Variants in AMPD3 observed in about 807,000 individuals in gnomAD.
AMPD3 encodes the protein adenosine monophosphate deaminase 3.
In AMPD3, 57 loss-of-function variants were observed where a neutral mutation model predicts 82.3. The observed-to-expected ratio is 0.69, with a 90% CI of 0.56 to 0.86. The LOEUF (loss-of-function observed/expected upper bound fraction) is 0.86, where lower values mean the gene tolerates loss of function less well. Among genes scored for constraint, AMPD3 ranks in the 40% least tolerant of loss-of-function variants. The pLI, the probability that AMPD3 is intolerant of heterozygous loss-of-function variation, is 0.00. For synonymous variants in AMPD3, 381 were observed against 394.7 expected (o/e 0.97, Z 0.41); for missense variants, 870 against 1,003.8 (o/e 0.87, Z 1.80).
chr11:10,455,611 G>A (rs1201764725), intron 1 of AMPD3, among the ~76,000 whole-genome samples, 163 bp downstream of exon 1: 1 of 152,154 alleles, frequency 6.6e-6, no homozygotes, highest in Admixed American at 6.5e-5. Context: ...GTGGGATGGG[G>A]CTGTCAGCTT....
At chr11:10,505,451 T>C in intron 14 of AMPD3, 2 of 985,330 alleles carry the variant, frequency 2.0e-6, no homozygotes, top group Non-Finnish European at 2.4e-6. Flanking sequence ...AGACCTTATC[T>C]TTCCTCTCTG....
chr11:10,481,962 C>G (rs1848920202), intron 3 of AMPD3, 101 bp from the exon 4 acceptor site: 1 of 1,476,046 alleles, frequency 6.8e-7, no homozygotes, highest in Non-Finnish European at 9.5e-7. Context: ...ATCTAGGTTC[C>G]CAGATACCAG....
chr11:10,453,640 G>A (rs1460513857), upstream of AMPD3, among the ~76,000 whole-genome samples: 1 of 151,618 alleles, frequency 6.6e-6, no homozygotes, highest in African/African-American at 2.4e-5. Flanking sequence ...CTGGAGTGCA[G>A]TGCAGTGGTG....
Position 10,505,986 on chromosome 11 carries a change from G to T in AMPD3, c.*102G>T. ...AACTAGGACTTTCCTCTGTGAAGAG[G>T]ATGCCTCTGAAGAAATTTTAAACTG... is the stretch of plus-strand genomic sequence containing the variant. On this transcript the variant is annotated 3_prime_UTR_variant, in exon 15 of 15. Coordinates refer to ENST00000396553, the MANE Select transcript of AMPD3 (RefSeq NM_001025389.2). The T allele has an allele frequency of 1.4e-6, 2 of 1,396,428 alleles. No homozygotes were observed. Among genetic ancestry groups the T allele is most frequent in the Non-Finnish European group, 2.0e-6 (2 of 995,744 alleles). The allele number at this position is 1,396,428 out of a possible 1,614,324, so 86.5% of individuals were successfully genotyped here. A position where few individuals can be genotyped will look rare whatever the true frequency, so the allele number is the denominator to read the frequency against.
At chr11:10,454,214 G>A (rs4909930), upstream of AMPD3, among the ~76,000 whole-genome samples, 90,785 of 151,870 alleles carry the variant, frequency 0.6, 27,408 homozygotes, top group East Asian at 0.75. Context: ...CATGTTCTGG[G>A]GAGTCTTCCC....
chr11:10,504,458 G>T, intron 13 of AMPD3, 91 bp from the exon 14 acceptor site: 1 of 1,297,752 alleles, frequency 7.7e-7, no homozygotes, highest in Non-Finnish European at 1.1e-6. Flanking sequence ...AGTTAAACCC[G>T]CAGTGTCTGA....
Position 10,461,860 on chromosome 11 carries a change from G to C in AMPD3, c.221+120G>C, listed in dbSNP as rs899212838. The C allele has an allele frequency of 3.1e-6, 3 of 972,878 alleles. No homozygotes were observed. The African/African-American group carries it at 4.8e-5, about 16-fold the overall frequency. The allele number at this position is 972,878 out of a possible 1,614,324, so 60.3% of individuals were successfully genotyped here. A position where few individuals can be genotyped will look rare whatever the true frequency, so the allele number is the denominator to read the frequency against. On this transcript the variant is annotated intron_variant, in intron 2 of 14. Coordinates refer to ENST00000396553, the MANE Select transcript of AMPD3 (RefSeq NM_001025389.2). ...CTGGTATGTCCCTAGAGCTGTGTTG[G>C]TTCCTTAACCAAGACCACTTAACTC...
At chr11:10,450,841 C>A (rs1847941232), upstream of AMPD3, 1 of 1,197,274 alleles carries the variant, frequency 8.4e-7, no homozygotes, top group African/African-American at 1.6e-5. Context: ...TCCCGCGGGG[C>A]CCTCCTGGCC....
chr11:10,466,146 C>T (rs1848414720), intron 2 of AMPD3, among the ~76,000 whole-genome samples: 1 of 152,078 alleles, frequency 6.6e-6, no homozygotes. Context: ...CCTGTAATCC[C>T]AGTTACTTGG....
chr11:10,504,307 G>A (rs1849657523), intron 13 of AMPD3: 32 of 788,568 alleles, frequency 4.1e-5, no homozygotes, highest in Non-Finnish European at 4.5e-5. Flanking sequence ...GTTTCAACAT[G>A]AGGTCTCAGT....
At chr11:10,493,208 G>A (rs1247298281) in intron 6 of AMPD3, 141 bp from the exon 7 acceptor site, 1 of 934,978 alleles carries the variant, frequency 1.1e-6, no homozygotes, top group East Asian at 2.4e-5. Flanking sequence ...GAGAAATGGG[G>A]GGTGGGATCC....
intron 7 of AMPD3, 38 bp from the exon 8 acceptor site, chr11:10,494,861 C>T (rs781373151): frequency 1.9e-6 from 3 of 1,599,456 alleles, no homozygotes; most frequent in East Asian, 2.2e-5. Flanking sequence ...ATGGTGGCTG[C>T]AGAACGATGC....
chr11:10,454,373 TGAA>T (rs1218945296), upstream of AMPD3, among the ~76,000 whole-genome samples: 2 of 152,142 alleles, frequency 1.3e-5, no homozygotes, highest in East Asian at 3.9e-4. Context: ...AGTTGGAAAA[TGAA>T]GACTCAAGGT....
At chr11:10,465,585 C>T (rs1848395510) in intron 2 of AMPD3, among the ~76,000 whole-genome samples, 1 of 152,130 alleles carries the variant, frequency 6.6e-6, no homozygotes, top group African/African-American at 2.4e-5. Context: ...CAAGGTGAGG[C>T]GTTGCCTCAC....
intron 1 of AMPD3, among the ~76,000 whole-genome samples, chr11:10,458,249 A>G (rs1239497554): frequency 1.4e-4 from 12 of 86,206 alleles, no homozygotes; most frequent in African/African-American, 5.4e-4. Flanking sequence ...GCAAAACCTC[A>G]TCTCTAAAAA....
chr11:10,470,039 C>CAA (rs58806706), intron 2 of AMPD3, among the ~76,000 whole-genome samples: 5 of 101,802 alleles, frequency 4.9e-5, no homozygotes, highest in African/African-American at 7.6e-5. Context: ...GACTCCGTCT[C>CAA]AAAAAAAAAA....
At chr11:10,457,687 G>A (rs1229720169) in intron 1 of AMPD3, among the ~76,000 whole-genome samples, 1 of 152,252 alleles carries the variant, frequency 6.6e-6, no homozygotes, top group Admixed American at 6.5e-5. Flanking sequence ...TTGAGACCAG[G>A]AGTTCAAGAC....
At chr11:10,495,287 T>A (rs11601268) in intron 8 of AMPD3, 122,106 of 985,382 alleles carry the variant, frequency 0.12, 7,767 homozygotes, top group Middle Eastern at 0.15. Context: ...CTGGCTTTCG[T>A]GTCTCTGCAG....
chr11:10,468,935 T>C (rs570378309), intron 2 of AMPD3, among the ~76,000 whole-genome samples: 151 of 152,342 alleles, frequency 9.9e-4, no homozygotes, highest in African/African-American at 3.4e-3. Flanking sequence ...AGATGTTCTT[T>C]GAAACCAGTG....
Sources: gnomAD v4.1 joint callset for allele counts (sites outside exome capture counted in the v4.1 genomes callset) on GRCh38, gnomAD v4.1.1 for gene constraint, MANE v1.5 for transcripts, NCBI Gene and HGNC (gene_info 2026-07-23, HGNC 2026-07-21) for gene names.